KRT6C: variants seen among roughly 807,000 people sequenced by gnomAD.
The protein encoded by KRT6C is keratin 6C.
Under a neutral mutation model 49.4 loss-of-function variants are expected in KRT6C, and 46 were observed. The observed-to-expected ratio is 0.93, with a 90% confidence interval of 0.74 to 1.19. The LOEUF (loss-of-function observed/expected upper bound fraction) is 1.19, where lower values mean the gene tolerates loss of function less well. KRT6C is among the 50% of genes most tolerant of loss of function. The pLI, the probability that KRT6C is intolerant of heterozygous loss-of-function variation, is 0.00. For synonymous variants in KRT6C, 236 were observed against 297.1 expected (o/e 0.79, Z 2.12); for missense variants, 552 against 737.5 (o/e 0.75, Z 2.91).
rs534029470 is a variant in KRT6C, at chr12:52,469,253, C to T, written c.1504G>A (p.Gly502Ser). The T allele has an allele frequency of 1.5e-4, 246 of 1,613,772 alleles. 2 individuals carry two copies. In the South Asian group the frequency reaches 2.5e-3, roughly 16 times the overall value. The stretch of plus-strand genomic sequence containing the variant: ...CCCAGGCCTAAGCCACTGCCGACAC[C>T]GCTGGCACCGCCATAGCCACTGGAG... ...TISSGYGGAS[G>S]VGSGLGLGGG... Residue 502 changes from glycine to serine, a missense_variant, in exon 9 of 9, where the codon GGT becomes AGT. Physicochemically the swap from Gly to Ser is moderately conservative, Grantham distance 56. Transcript: ENST00000252250.
At position 52,469,444 on chromosome 12, in the gene KRT6C, G is replaced by C. The variant is rs371468604; in HGVS notation, c.1426C>G (p.Leu476Val). The C allele has an allele frequency of 1.1e-4, 181 of 1,613,862 alleles. No homozygotes were observed. The highest frequency in any genetic ancestry group is 1.5e-4 in the Non-Finnish European group (179 of 1,179,876). ...RKLLEGEECR[L>V]NGEGVGQVNV... ...ACTTGTCCAACGCCTTCGCCATTCA[G>C]CCTGTGGAGAGGAACACAGGGAGGG... The change falls in exon 8 of 9, where the codon CTG becomes GTG. Residue 476 changes from leucine (L) to valine (V), a missense_variant and splice_region_variant. Physicochemically the swap from Leu to Val is conservative, Grantham distance 32. Coordinates refer to ENST00000252250, the MANE Select transcript of KRT6C (RefSeq NM_173086.5).
Position 52,468,970 on chromosome 12 carries a change from A to G in KRT6C, c.*92T>C, listed in dbSNP as rs773508834. 1 of 1,521,742 alleles carries G rather than the reference A, an allele frequency of 6.6e-7. No individual in the cohort carries two copies. The allele number at this position is 1,521,742 out of a possible 1,614,324, so 94.3% of individuals were successfully genotyped here. On this transcript the variant is annotated 3_prime_UTR_variant, in exon 9 of 9. Transcript: ENST00000252250. ...TCTACCTCGGAGAGCAGGGAAGACT[A>G]GAGGCCAGGAGAGGATAGGCAACCT...
In KRT6C at chr12:52,473,520, C is replaced by G. The variant is rs1172665433; in HGVS notation, c.218G>C (p.Gly73Ala). The part of the protein sequence containing the change: ...GLGGSKRISI[G>A]GGSCAISGGY... ...GCCACTGATGGCACAGCTGCCCCCT[C>G]CAATGGAGATCCTCTTGGAGCCCCC... Residue 73 changes from glycine (G) to alanine (A), a missense_variant, in exon 1 of 9, where the codon GGA (glycine) becomes GCA (alanine). Physicochemically the swap from Gly to Ala is moderately conservative, Grantham distance 60. Transcript: ENST00000252250. 6.6e-7 allele frequency: 1 copy of G among 1,526,040 alleles called. No homozygotes were observed. The highest frequency in any genetic ancestry group is 9.0e-7 in the Non-Finnish European group (1 of 1,114,984). 94.5% of individuals were successfully genotyped at this position (1,526,040 alleles called of 1,614,324 possible).
At position 52,473,591 on chromosome 12, in the gene KRT6C, A is replaced by C; in HGVS notation, c.147T>G (p.Gly49=). The C allele has an allele frequency of 6.4e-7, 1 of 1,571,334 alleles. No homozygotes were observed. Among genetic ancestry groups the C allele is most frequent in the Non-Finnish European group, 8.7e-7 (1 of 1,154,686 alleles). The change falls in exon 1 of 9, where the codon GGT becomes GGG. Residue 49 remains glycine, a synonymous_variant. Coordinates refer to ENST00000252250, the MANE Select transcript of KRT6C (RefSeq NM_173086.5). ...SRSRGSGGLG[G]ACGGAGFGSR... Reference sequence around the variant, plus strand: ...TGCCAAAGCCAGCTCCTCCACATGCACCACCCAGGCCACCACTGCCCCTGG... The same window carrying C: ...TGCCAAAGCCAGCTCCTCCACATGCCCCACCCAGGCCACCACTGCCCCTGG...
rs566940499 is a variant in KRT6C at position 52,468,732 on chromosome 12, T to C, written c.*330A>G. 1.7e-4 allele frequency: 56 copies of C among 334,790 alleles called. No homozygotes were observed. The highest frequency in any genetic ancestry group is 8.7e-4 in the Middle Eastern group (1 of 1,148). 20.7% of individuals were successfully genotyped at this position (334,790 alleles called of 1,614,324 possible). A position where few individuals can be genotyped will look rare whatever the true frequency, so the allele number is the denominator to read the frequency against. On this transcript the variant is annotated 3_prime_UTR_variant, in exon 9 of 9. Coordinates refer to ENST00000252250, the MANE Select transcript of KRT6C (RefSeq NM_173086.5). ...ATAAGCCCCAGGCGATTTTCAGTAA[T>C]GAAAAGGAACAGAGATCATTTTCTT...
Position 52,472,185 on chromosome 12 carries a change from C to T in KRT6C, c.636G>A (p.Pro212=), listed in dbSNP as rs147574610. 37 of 1,481,786 alleles carry T rather than the reference C, an allele frequency of 2.5e-5. 3 individuals carry two copies. The highest frequency in any genetic ancestry group is 3.6e-4 in the Middle Eastern group (2 of 5,538). 91.8% of individuals were successfully genotyped at this position (1,481,786 alleles called of 1,614,324 possible). A position where few individuals can be genotyped will look rare whatever the true frequency, so the allele number is the denominator to read the frequency against. ...GGTTGTTGATGTACTGCTCGAACAA[C>T]GGCTCCAGGTTCTGCCTCACAGTCT... ...GTKTVRQNLE[P]LFEQYINNLR... Residue 212 remains proline (P), a synonymous_variant, in exon 2 of 9, where the codon CCG becomes CCA. Transcript: ENST00000252250.
At chr12:52,471,557 C>T (rs774401755) in intron 3 of KRT6C, 41 bp from the exon 4 acceptor site, 32 of 1,603,588 alleles carry the variant, frequency 2.0e-5, no homozygotes, top group Non-Finnish European at 2.6e-5. Context: ...CTGAGCTCAC[C>T]TTTCCAATCT....
At position 52,473,594 on chromosome 12, in the gene KRT6C, A is replaced by C. The variant is rs1592178773; in HGVS notation, c.144T>G (p.Gly48=). Residue 48 remains glycine (G), a synonymous_variant, in exon 1 of 9, where the codon GGT becomes GGG. Transcript: ENST00000252250. Reference sequence around the variant, plus strand: ...CAAAGCCAGCTCCTCCACATGCACCACCCAGGCCACCACTGCCCCTGGAGC... The same window carrying C: ...CAAAGCCAGCTCCTCCACATGCACCCCCCAGGCCACCACTGCCCCTGGAGC... The part of the protein sequence containing the change: ...VSRSRGSGGL[G]GACGGAGFGS... 1 of 1,606,562 alleles carries C rather than the reference A, an allele frequency of 6.2e-7. No individual in the cohort carries two copies. Among genetic ancestry groups the C allele is most frequent in the Non-Finnish European group, 8.5e-7 (1 of 1,177,544 alleles).
chr12:52,471,605 G>C (rs664605), intron 3 of KRT6C, 67 bp downstream of exon 3: 355,477 of 1,275,678 alleles, frequency 0.28, 71,535 homozygotes, highest in East Asian at 0.55. Context: ...CTCTCCCAGG[G>C]GAGCGAGGAC....
chr12:52,468,868 T>A lies in KRT6C; in HGVS notation c.*194A>T, dbSNP rs1011065915. 1.9e-5 allele frequency: 12 copies of A among 645,162 alleles called. No individual in the cohort carries two copies. The highest frequency in any genetic ancestry group is 3.0e-5 in the Non-Finnish European group (11 of 369,188). 40.0% of individuals were successfully genotyped at this position (645,162 alleles called of 1,614,324 possible). The stretch of plus-strand genomic sequence containing the variant: ...TATGATGTAAAATCAAAGGTTGATC[T>A]GATGGTGAGCAATGGGTGCTCAGAT... On this transcript the variant is annotated 3_prime_UTR_variant, in exon 9 of 9. Coordinates refer to ENST00000252250, the MANE Select transcript of KRT6C (RefSeq NM_173086.5).
rs145690917 is a variant in KRT6C at position 52,473,691 on chromosome 12, C to G, written c.47G>C (p.Arg16Pro). 6.2e-7 allele frequency: 1 copy of G among 1,613,428 alleles called. No individual in the cohort carries two copies. Among genetic ancestry groups the G allele is most frequent in the Non-Finnish European group, 8.5e-7 (1 of 1,179,904 alleles). The change falls in exon 1 of 9, where the codon CGG becomes CCG. Residue 16 changes from arginine (R) to proline (P), a missense_variant. Transcript: ENST00000252250. ...TTIRSHSSSRRGFSANSARLP... is the reference protein window; with the variant it reads ...TTIRSHSSSRPGFSANSARLP... ...CCTGGCTGAGTTGGCACTGAAACCC[C>G]GGCGGCTGCTGCTGTGGCTCCTGAT... is the stretch of plus-strand genomic sequence containing the variant.
chr12:52,469,510 G>T, intron 7 of KRT6C, 65 bp from the exon 8 acceptor site: 2 of 1,613,778 alleles, frequency 1.2e-6, no homozygotes, highest in Non-Finnish European at 1.7e-6. Flanking sequence ...ACCAGTGTGG[G>T]CAGCCTCGGT....
chr12:52,470,714 C>T (rs1565808518), intron 5 of KRT6C, 84 bp from the exon 6 acceptor site: 1 of 1,611,842 alleles, frequency 6.2e-7, no homozygotes, highest in African/African-American at 1.3e-5. Context: ...TCATGCATGT[C>T]ATGAAGTGGA....
rs768155393 is a variant in KRT6C at position 52,473,711 on chromosome 12, C to T, written c.27G>A (p.Arg9=). 11 of 1,613,606 alleles carry T rather than the reference C, an allele frequency of 6.8e-6. No homozygotes were observed. Among genetic ancestry groups the T allele is most frequent in the Non-Finnish European group, 5.9e-6 (7 of 1,179,994 alleles). The change falls in exon 1 of 9, where the codon AGG becomes AGA. Residue 9 remains arginine, a synonymous_variant. Coordinates refer to ENST00000252250, the MANE Select transcript of KRT6C (RefSeq NM_173086.5). ...AACCCCGGCGGCTGCTGCTGTGGCT[C>T]CTGATGGTGGTGGATGTGCTGGCCA... MASTSTTI[R]SHSSSRRGFS...
At position 52,469,900 on chromosome 12, in the gene KRT6C, G is replaced by A. The variant is rs752882257; in HGVS notation, c.1204-10C>T. On this transcript the variant is annotated splice_polypyrimidine_tract_variant and intron_variant, in intron 6 of 8. Transcript: ENST00000252250. ...CCTGCAGGCTGGCACACTAGGAGGG[G>A]AAAGGAAGAGAAGGAACTTCTTGTC... is the stretch of plus-strand genomic sequence containing the variant. 6.2e-7 allele frequency: 1 copy of A among 1,614,010 alleles called. No individual in the cohort carries two copies. The highest frequency in any genetic ancestry group is 1.7e-5 in the Admixed American group (1 of 60,026).
intron 4 of KRT6C, 37 bp downstream of exon 4, chr12:52,471,384 C>T: frequency 6.2e-7 from 1 of 1,614,058 alleles, no homozygotes; most frequent in Non-Finnish European, 8.5e-7. Flanking sequence ...TTTGCAGACC[C>T]CATCAGAGTA....
In KRT6C at chr12:52,473,694, C is replaced by T. The variant is rs142765056; in HGVS notation, c.44G>A (p.Arg15His). The T allele has an allele frequency of 9.9e-5, 160 of 1,613,578 alleles. 5 individuals carry two copies. The South Asian group carries it at 1.5e-3, about 15-fold the overall frequency. ...GGCTGAGTTGGCACTGAAACCCCGG[C>T]GGCTGCTGCTGTGGCTCCTGATGGT... ...STTIRSHSSS[R>H]RGFSANSARL... Residue 15 changes from arginine (R) to histidine (H), a missense_variant, in exon 1 of 9, where the codon CGC becomes CAC. Transcript: ENST00000252250.
chr12:52,470,145 A>T, intron 6 of KRT6C: 1 of 616,322 alleles, frequency 1.6e-6, no homozygotes, highest in Non-Finnish European at 2.8e-6. Flanking sequence ...GGACCCAAAA[A>T]CAAGCCATAT....
rs201846617 is a variant in KRT6C at position 52,470,598 on chromosome 12, A to C, written c.1110T>G (p.His370Gln). ...GCTTGGTGTTGCGCAGGTCGTCCCC[A>C]TGTCTGCCTGCTGTGACCTGCAGCT... is the stretch of plus-strand genomic sequence containing the variant. ...YEELQVTAGR[H>Q]GDDLRNTKQE... The change falls in exon 6 of 9, where the codon CAT becomes CAG. Residue 370 changes from histidine to glutamine, a missense_variant. His to Gln is a conservative substitution (Grantham distance 24). Transcript: ENST00000252250. 12 of 1,613,850 alleles carry C rather than the reference A, an allele frequency of 7.4e-6. No individual in the cohort carries two copies. In the South Asian group the frequency reaches 1.3e-4, roughly 18 times the overall value.
Sources: gnomAD v4.1 joint callset for allele counts on GRCh38, gnomAD v4.1.1 for gene constraint, MANE v1.5 for transcripts, NCBI Gene and HGNC (gene_info 2026-07-23, HGNC 2026-07-21) for gene names.